ERC2: variants seen among roughly 807,000 people sequenced by gnomAD.
The protein encoded by ERC2 is ELKS/RAB6-interacting/CAST family member 2.
In ERC2, 42 loss-of-function variants were observed where a neutral mutation model predicts 114.8. The ratio of observed to expected loss-of-function variants is 0.37; its 90% CI spans 0.29 to 0.47. The LOEUF (loss-of-function observed/expected upper bound fraction) is 0.47, where lower values mean the gene tolerates loss of function less well. Ranked by LOEUF, ERC2 falls within the 20% of genes least tolerant of loss-of-function variation. The probability of loss-of-function intolerance (pLI) is 0.99; values close to 1 mark genes in which losing one functional copy is unlikely to be tolerated. For synonymous variants in ERC2, 454 were observed against 425.5 expected (o/e 1.07, Z -0.82); for missense variants, 939 against 1,150.7 (o/e 0.82, Z 2.66).
At chr3:55,950,330 C>G in intron 13 of ERC2, 95 bp downstream of exon 13, 1 of 1,483,900 alleles carries the variant, frequency 6.7e-7, no homozygotes, top group South Asian at 1.3e-5. Flanking sequence ...GCAAAGTCCA[C>G]CATTTCTGTG....
chr3:56,309,036 G>C (rs1323511885), intron 2 of ERC2, among the ~76,000 whole-genome samples: 1 of 152,126 alleles, frequency 6.6e-6, no homozygotes, highest in Non-Finnish European at 1.5e-5. Flanking sequence ...TCTTCCTTAG[G>C]CTGTGTCATG....
At chr3:55,841,603 GTGCCATACTAAA>G (rs555775076) in intron 14 of ERC2, among the ~76,000 whole-genome samples, 209 of 152,188 alleles carry the variant, frequency 1.4e-3, no homozygotes, top group African/African-American at 4.9e-3. Flanking sequence ...TATGTTCTAG[GTGCCATACTAAA>G]TGCTTTTCAT....
At chr3:56,116,246 C>T (rs541039005) in intron 6 of ERC2, among the ~76,000 whole-genome samples, 1 of 152,296 alleles carries the variant, frequency 6.6e-6, no homozygotes, top group South Asian at 2.1e-4. Flanking sequence ...TTTTACTCTA[C>T]TTTACCCTAG....
At chr3:55,583,854 T>C (rs913237446) in intron 17 of ERC2, among the ~76,000 whole-genome samples, 12 of 144,812 alleles carry the variant, frequency 8.3e-5, no homozygotes, top group Non-Finnish European at 1.5e-4. Flanking sequence ...GAAAGTACCT[T>C]TGCCAGCAAG....
At chr3:56,014,239 C>T (rs1380638723) in intron 8 of ERC2, among the ~76,000 whole-genome samples, 1 of 152,146 alleles carries the variant, frequency 6.6e-6, no homozygotes, top group East Asian at 1.9e-4. Flanking sequence ...GACCAGGGAT[C>T]TGCAGCTTAC....
At chr3:56,416,661 A>T (rs2061170119) in intron 2 of ERC2, among the ~76,000 whole-genome samples, 3 of 127,704 alleles carry the variant, frequency 2.3e-5, no homozygotes, top group African/African-American at 1.2e-4. Context: ...AACATGATTA[A>T]AAAAAAAAAA....
chr3:55,553,999 C>G (rs1305184458), intron 17 of ERC2, among the ~76,000 whole-genome samples: 1 of 152,056 alleles, frequency 6.6e-6, no homozygotes. Context: ...TGGAATAGTG[C>G]CTTTAGAACT....
intron 3 of ERC2, among the ~76,000 whole-genome samples, chr3:56,264,611 T>C (rs35341271): frequency 0.23 from 33,051 of 144,070 alleles, 4,362 homozygotes; most frequent in Non-Finnish European, 0.29. Flanking sequence ...AAAAAAAAAA[T>C]CAATAAGGCA....
intron 17 of ERC2, among the ~76,000 whole-genome samples, chr3:55,667,196 G>T (rs2061388270): frequency 6.6e-6 from 1 of 152,152 alleles, no homozygotes; most frequent in African/African-American, 2.4e-5. Context: ...AGCATTGATT[G>T]ATCTCAGGGC....
At chr3:55,806,845 G>T (rs530975922) in intron 14 of ERC2, among the ~76,000 whole-genome samples, 11 of 152,298 alleles carry the variant, frequency 7.2e-5, no homozygotes, top group African/African-American at 2.2e-4. Flanking sequence ...TCCTCACTCA[G>T]CTTCAGTGTG....
At chr3:56,423,958 G>A (rs533207188) in intron 2 of ERC2, among the ~76,000 whole-genome samples, 4 of 152,248 alleles carry the variant, frequency 2.6e-5, no homozygotes, top group South Asian at 2.1e-4. Context: ...AATGGACTCC[G>A]AAACAACAAC....
chr3:56,081,482 TGCTG>T (rs2077228491), intron 6 of ERC2, among the ~76,000 whole-genome samples: 2 of 152,124 alleles, frequency 1.3e-5, no homozygotes, highest in Admixed American at 1.3e-4. Flanking sequence ...AGGACACTCA[TGCTG>T]CTGGAGGAAG....
chr3:56,154,702 C>T (rs1237905530), intron 4 of ERC2, among the ~76,000 whole-genome samples: 2 of 152,150 alleles, frequency 1.3e-5, no homozygotes, highest in Non-Finnish European at 2.9e-5. Context: ...AAACATCTGA[C>T]CTTTACAGAG....
intron 14 of ERC2, among the ~76,000 whole-genome samples, chr3:55,856,224 T>A (rs1404634630): frequency 6.6e-6 from 1 of 152,190 alleles, no homozygotes; most frequent in African/African-American, 2.4e-5. Flanking sequence ...GCAGGCTTGG[T>A]AGGGCCCACC....
At chr3:55,586,870 A>G (rs1243725109) in intron 17 of ERC2, among the ~76,000 whole-genome samples, 1 of 152,204 alleles carries the variant, frequency 6.6e-6, no homozygotes, top group Non-Finnish European at 1.5e-5. Context: ...CAATCTCAAC[A>G]TTTTGCCATA....
At chr3:56,283,593 A>G (rs1377879231) in intron 3 of ERC2, among the ~76,000 whole-genome samples, 1 of 152,240 alleles carries the variant, frequency 6.6e-6, no homozygotes, top group African/African-American at 2.4e-5. Flanking sequence ...TCACCTTGCA[A>G]TGTATTCTAT....
chr3:56,123,654 C>T (rs1277009190), intron 6 of ERC2, among the ~76,000 whole-genome samples: 1 of 152,218 alleles, frequency 6.6e-6, no homozygotes, highest in Non-Finnish European at 1.5e-5. Context: ...TCTACTCTGG[C>T]TCCACAGAGG....
intron 1 of ERC2, among the ~76,000 whole-genome samples, chr3:56,446,625 C>G (rs200216531): frequency 8.9e-6 from 1 of 112,338 alleles, no homozygotes; most frequent in Non-Finnish European, 1.8e-5. Context: ...TTTTTTTTTT[C>G]TTTCTTTTTT....
intron 17 of ERC2, among the ~76,000 whole-genome samples, chr3:55,676,816 A>G (rs2061836436): frequency 2.6e-5 from 4 of 152,198 alleles, no homozygotes; most frequent in Admixed American, 2.6e-4. Flanking sequence ...GCCCTGGCAC[A>G]GGAAGGATGT....
Sources: allele counts gnomAD v4.1 joint callset (sites outside exome capture counted in the v4.1 genomes callset), GRCh38; gene constraint gnomAD v4.1.1; transcripts MANE v1.5; gene names NCBI Gene and HGNC (gene_info 2026-07-23, HGNC 2026-07-21).